Variants in PRKG1 observed in about 807,000 individuals in gnomAD.
PRKG1 encodes the protein protein kinase cGMP-dependent 1, also known as cGMP-dependent protein kinase 1.
In PRKG1, 35 loss-of-function variants were observed where a neutral mutation model predicts 88.1. That is an observed-to-expected ratio of 0.40 (90% CI 0.30 to 0.53). The LOEUF is 0.53. Ranked by LOEUF, PRKG1 falls within the 20% of genes least tolerant of loss-of-function variation. The pLI, the probability that PRKG1 is intolerant of heterozygous loss-of-function variation, is 0.59. For synonymous variants in PRKG1, 303 were observed against 292.5 expected (o/e 1.04, Z -0.37); for missense variants, 540 against 839.8 (o/e 0.64, Z 4.41).
At chr10:51,504,296 T>C (rs1356968913) in intron 3 of PRKG1, among the ~76,000 whole-genome samples, 1 of 152,196 alleles carries the variant, frequency 6.6e-6, no homozygotes. Flanking sequence ...TGTGGCATTA[T>C]TTCTGAGGGC....
Position 52,271,333 on chromosome 10 carries a change from T to G in PRKG1, c.1174-17T>G. The G allele has an allele frequency of 6.2e-7, 1 of 1,609,964 alleles. No individual in the cohort carries two copies. The highest frequency in any genetic ancestry group is 2.2e-5 in the East Asian group (1 of 44,744). The stretch of plus-strand genomic sequence containing the variant: ...AGTCTATGGGCTTTTTCTTACTCTC[T>G]TCTCTCTTTCTTTAAGGTCCAGTTG... On this transcript the variant is annotated splice_polypyrimidine_tract_variant and intron_variant, in intron 10 of 17. Transcript: ENST00000373980.
chr10:51,127,854 A>G (rs1034086215), intron 1 of PRKG1, among the ~76,000 whole-genome samples: 3 of 152,198 alleles, frequency 2.0e-5, no homozygotes, highest in African/African-American at 7.2e-5. Context: ...AACCTAACAC[A>G]GGAACAGAAA....
chr10:51,989,828 A>AT (rs375849718), intron 5 of PRKG1, among the ~76,000 whole-genome samples: 71 of 152,158 alleles, frequency 4.7e-4, no homozygotes, highest in African/African-American at 1.7e-3. Context: ...CCATGTATTT[A>AT]TTTGTGCATT....
At chr10:51,633,717 G>C (rs563890179) in intron 3 of PRKG1, among the ~76,000 whole-genome samples, 1 of 152,218 alleles carries the variant, frequency 6.6e-6, no homozygotes, top group Admixed American at 6.5e-5. Flanking sequence ...GTCAGAGCCG[G>C]CAGTTTTAGA....
intron 2 of PRKG1, among the ~76,000 whole-genome samples, chr10:51,314,477 G>T (rs1448345233): frequency 6.6e-6 from 1 of 152,168 alleles, no homozygotes; most frequent in South Asian, 2.1e-4. Context: ...TCATTTACAT[G>T]AGCCACTTGT....
At chr10:51,684,086 A>G (rs1197517544) in intron 3 of PRKG1, among the ~76,000 whole-genome samples, 2 of 152,204 alleles carry the variant, frequency 1.3e-5, no homozygotes, top group African/African-American at 2.4e-5. Context: ...CACCGGCACT[A>G]TTCATAATAG....
intron 14 of PRKG1, among the ~76,000 whole-genome samples, chr10:52,286,191 A>G (rs1297442303): frequency 6.6e-6 from 1 of 152,078 alleles, no homozygotes. Flanking sequence ...AGCCATAAAA[A>G]CACGGCATGT....
chr10:51,214,849 G>A (rs1166964616), intron 2 of PRKG1, among the ~76,000 whole-genome samples: 2 of 152,136 alleles, frequency 1.3e-5, no homozygotes, highest in Non-Finnish European at 2.9e-5. Flanking sequence ...ACATGAGCAC[G>A]TGGATTGGCA....
At chr10:51,978,314 T>C (rs1245000901) in intron 5 of PRKG1, among the ~76,000 whole-genome samples, 1 of 152,054 alleles carries the variant, frequency 6.6e-6, no homozygotes, top group African/African-American at 2.4e-5. Context: ...ATTTCACTGG[T>C]TTATGTGTCT....
At chr10:51,001,759 GATAGAGGGGGAGAC>G (rs1281388594) in intron 1 of PRKG1, among the ~76,000 whole-genome samples, 3 of 152,150 alleles carry the variant, frequency 2.0e-5, no homozygotes, top group African/African-American at 7.2e-5. Context: ...GTGGGGAGAA[GATAGAGGGGGAGAC>G]ATAGAGAGAT....
At chr10:51,020,638 G>A (rs756552140) in intron 1 of PRKG1, among the ~76,000 whole-genome samples, 8 of 152,122 alleles carry the variant, frequency 5.3e-5, no homozygotes, top group Admixed American at 3.3e-4. Context: ...GCTCAAAGGC[G>A]TCTCTTGGCA....
At chr10:52,245,476 G>C (rs987215015) in intron 9 of PRKG1, among the ~76,000 whole-genome samples, 5 of 152,096 alleles carry the variant, frequency 3.3e-5, no homozygotes, top group Non-Finnish European at 1.5e-5. Context: ...CTTTTGATAA[G>C]CCAGGATGCT....
At chr10:52,021,261 C>T (rs1330916090) in intron 5 of PRKG1, among the ~76,000 whole-genome samples, 1 of 152,060 alleles carries the variant, frequency 6.6e-6, no homozygotes. Flanking sequence ...TAAAGGCAGC[C>T]ATGTATGATA....
At chr10:51,598,736 A>G (rs1564567209) in intron 3 of PRKG1, among the ~76,000 whole-genome samples, 1 of 152,256 alleles carries the variant, frequency 6.6e-6, no homozygotes, top group Non-Finnish European at 1.5e-5. Context: ...ATTCAAGTGA[A>G]TAAACAAAGA....
chr10:51,872,064 C>T (rs1293636298), intron 4 of PRKG1, among the ~76,000 whole-genome samples: 2 of 152,206 alleles, frequency 1.3e-5, no homozygotes, highest in African/African-American at 4.8e-5. Context: ...CGTAGCTAAT[C>T]AATCCTGGCC....
chr10:51,553,395 T>C (rs1837191614), intron 3 of PRKG1, among the ~76,000 whole-genome samples: 1 of 151,712 alleles, frequency 6.6e-6, no homozygotes, highest in South Asian at 2.1e-4. Context: ...TGCTTTTTTG[T>C]GTGTGAACTG....
At chr10:51,677,220 T>G (rs1403510162) in intron 3 of PRKG1, among the ~76,000 whole-genome samples, 1 of 152,222 alleles carries the variant, frequency 6.6e-6, no homozygotes, top group Non-Finnish European at 1.5e-5. Flanking sequence ...TCTTTCATTT[T>G]TATTGTTGTC....
At chr10:51,933,886 G>T (rs534886562) in intron 5 of PRKG1, among the ~76,000 whole-genome samples, 1 of 152,138 alleles carries the variant, frequency 6.6e-6, no homozygotes, top group East Asian at 1.9e-4. Context: ...AAGCACTTCA[G>T]CAGTGACATA....
intron 2 of PRKG1, among the ~76,000 whole-genome samples, chr10:51,390,741 G>A (rs1236837632): frequency 6.6e-6 from 1 of 152,138 alleles, no homozygotes; most frequent in African/African-American, 2.4e-5. Flanking sequence ...TTCAGGAGTT[G>A]CCATTTGCTA....
Sources: gnomAD v4.1 joint callset for allele counts (sites outside exome capture counted in the v4.1 genomes callset) on GRCh38, gnomAD v4.1.1 for gene constraint, MANE v1.5 for transcripts, NCBI Gene and HGNC (gene_info 2026-07-23, HGNC 2026-07-21) for gene names.